The following RYR2 variants were observed in gnomAD, a reference collection of about 807,000 sequenced individuals.
The protein encoded by RYR2 is ryanodine receptor 2.
A neutral mutation model predicts 601.1 loss-of-function variants in RYR2; 227 were observed. That is an observed-to-expected ratio of 0.38 (90% CI 0.34 to 0.42). The LOEUF (loss-of-function observed/expected upper bound fraction) is 0.42. Ranked by LOEUF, RYR2 falls within the 10% of genes least tolerant of loss-of-function variation. RYR2 has a pLI of 1.00. For synonymous variants in RYR2, 2,223 were observed against 2,175.1 expected, an observed-to-expected ratio of 1.02 and a Z score of -0.61; for missense variants, 4,646 against 6,156.5, an observed-to-expected ratio of 0.75 and a Z score of 8.21.
intron 29 of RYR2, among the ~76,000 whole-genome samples, chr1:237,574,931 G>T (rs577131019): frequency 2.1e-3 from 317 of 152,286 alleles, no homozygotes; most frequent in Middle Eastern, 6.8e-3. Flanking sequence ...TATGAGATAA[G>T]AAATGAGTAT....
At chr1:237,338,119 C>T (rs569178929) in intron 3 of RYR2, among the ~76,000 whole-genome samples, 14 of 152,192 alleles carry the variant, frequency 9.2e-5, no homozygotes, top group African/African-American at 2.4e-4. Flanking sequence ...TGGATGGTTC[C>T]GGTGTGCCAT....
At chr1:237,750,046 C>T (rs918991384) in intron 80 of RYR2, among the ~76,000 whole-genome samples, 70 of 151,868 alleles carry the variant, frequency 4.6e-4, no homozygotes, top group African/African-American at 1.5e-3. Flanking sequence ...CTCGGGAGGC[C>T]GAGGCACAGG....
At chr1:237,135,443 C>T (rs1390305743) in intron 1 of RYR2, among the ~76,000 whole-genome samples, 2 of 151,550 alleles carry the variant, frequency 1.3e-5, no homozygotes, top group African/African-American at 4.9e-5. Context: ...GATCTCGGCT[C>T]ACTGCAAGCT....
Position 237,589,774 on chromosome 1 carries a change from A to ATTTTT in RYR2, c.3599-13_3599-9dup. 1 of 1,579,156 alleles carries ATTTTT rather than the reference A, an allele frequency of 6.3e-7. No homozygotes were observed. The highest frequency in any genetic ancestry group is 8.7e-7 in the Non-Finnish European group (1 of 1,154,472). ...CATATACTAATGGTACTAAAACTTG[A>ATTTTT]TTTTTTTTTTCTTCCCAGGATTCAT... On this transcript the variant is annotated intron_variant, in intron 29 of 104. Coordinates refer to ENST00000366574, the MANE Select transcript of RYR2 (RefSeq NM_001035.3).
chr1:237,442,952 T>C (rs1416042437), intron 13 of RYR2, among the ~76,000 whole-genome samples: 3 of 152,218 alleles, frequency 2.0e-5, no homozygotes, highest in Non-Finnish European at 4.4e-5. Flanking sequence ...TGGAAAACTT[T>C]TATGTATGTT....
chr1:237,292,806 T>C lies in RYR2; in HGVS notation c.168+22190T>C, dbSNP rs188081845. 1.2e-4 allele frequency among the ~76,000 whole-genome samples: 18 copies of C among 152,176 alleles called. No individual in the cohort carries two copies. The East Asian group carries it at 3.5e-3, about 29-fold the overall frequency. On this transcript the variant is annotated intron_variant, in intron 2 of 104. Transcript: ENST00000366574. ...GTAGTTAAGCTGATGAATAGGAATG[T>C]TGGAGAAGAGAAGAGCTGAGAATGT...
At chr1:237,206,188 G>C (rs1681795108) in intron 1 of RYR2, among the ~76,000 whole-genome samples, 1 of 152,150 alleles carries the variant, frequency 6.6e-6, no homozygotes, top group African/African-American at 2.4e-5. Context: ...AAGTACCAGG[G>C]GGACCGTGAG....
intron 5 of RYR2, among the ~76,000 whole-genome samples, chr1:237,367,394 CCA>C (rs889308978): frequency 4.6e-5 from 6 of 130,956 alleles, no homozygotes; most frequent in African/African-American, 1.8e-4. Flanking sequence ...GTCTGGCCCC[CCA>C]AAAAAAGTGG....
chr1:237,667,699 A>G (rs1479312285), intron 57 of RYR2, among the ~76,000 whole-genome samples, 184 bp from the exon 58 acceptor site: 1 of 152,214 alleles, frequency 6.6e-6, no homozygotes, highest in Non-Finnish European at 1.5e-5. Context: ...TTACTGTATA[A>G]TATTGCAAAT....
At chr1:237,824,313 G>A (rs9428695) in intron 101 of RYR2, among the ~76,000 whole-genome samples, 36,093 of 151,924 alleles carry the variant, frequency 0.24, 4,920 homozygotes, top group East Asian at 0.61. Context: ...GCAGCACCTC[G>A]AAAAGCTTAT....
rs1421812415 is a variant in RYR2, at chr1:237,617,818, AC to A, written c.5916+333del. ...CTCATAGGAATTTTTGATTCCTAGG[AC>A]TCGATGCTAGAGGCTTTCCATTTGT... On this transcript the variant is annotated intron_variant, in intron 38 of 104. Transcript: ENST00000366574. 2.6e-5 allele frequency among the ~76,000 whole-genome samples: 4 copies of A among 152,104 alleles called. No individual in the cohort carries two copies. The South Asian group carries it at 6.2e-4, about 24-fold the overall frequency.
Position 237,165,151 on chromosome 1 carries a change from T to A in RYR2, c.49-105346T>A, listed in dbSNP as rs970237392. 3.3e-4 allele frequency among the ~76,000 whole-genome samples: 50 copies of A among 151,634 alleles called. 1 individual carries two copies. Among genetic ancestry groups the A allele is most frequent in the Non-Finnish European group, 1.5e-4 (10 of 67,946 alleles). ...AATTTTTTTTTTTGTAGAGATGGGG[T>A]CTCACTATGTTGCCCAGGCTTGCAT... On this transcript the variant is annotated intron_variant, in intron 1 of 104. Transcript: ENST00000366574.
intron 1 of RYR2, among the ~76,000 whole-genome samples, chr1:237,182,538 A>G (rs114871833): frequency 0.034 from 5,232 of 152,228 alleles, 316 homozygotes; most frequent in African/African-American, 0.12. Flanking sequence ...AGGAATCATG[A>G]ATATATTGTT....
At chr1:237,284,115 G>T (rs953457583) in intron 2 of RYR2, among the ~76,000 whole-genome samples, 4 of 152,164 alleles carry the variant, frequency 2.6e-5, no homozygotes, top group Non-Finnish European at 5.9e-5. Flanking sequence ...AGGCGTGGTG[G>T]CTCACGCCTG....
At chr1:237,524,474 G>A (rs954472129) in intron 24 of RYR2, among the ~76,000 whole-genome samples, 1 of 152,196 alleles carries the variant, frequency 6.6e-6, no homozygotes, top group African/African-American at 2.4e-5. Flanking sequence ...AGATTGTGCT[G>A]ATAGTCATGC....
At chr1:237,394,970 G>A (rs1037919987) in intron 10 of RYR2, among the ~76,000 whole-genome samples, 1 of 152,100 alleles carries the variant, frequency 6.6e-6, no homozygotes, top group African/African-American at 2.4e-5. Context: ...AGAGCAAAGG[G>A]GAAGTGCTAC....
chr1:237,312,205 A>G (rs1694646237), intron 2 of RYR2, among the ~76,000 whole-genome samples: 1 of 152,188 alleles, frequency 6.6e-6, no homozygotes, highest in Admixed American at 6.5e-5. Context: ...ATAACCACTA[A>G]TAGAGTTGGC....
At chr1:237,196,313 C>T (rs1422583766) in intron 1 of RYR2, among the ~76,000 whole-genome samples, 1 of 151,748 alleles carries the variant, frequency 6.6e-6, no homozygotes, top group African/African-American at 2.4e-5. Context: ...AATAAAATTG[C>T]CTTCTATGTT....
intron 81 of RYR2, among the ~76,000 whole-genome samples, chr1:237,756,869 AT>A (rs1483353631): frequency 2.0e-5 from 3 of 152,142 alleles, no homozygotes; most frequent in Non-Finnish European, 4.4e-5. Flanking sequence ...GCAAGCTGTA[AT>A]TTTTTTATGT....
Sources: gnomAD v4.1 joint callset for allele counts (sites outside exome capture counted in the v4.1 genomes callset) on GRCh38, gnomAD v4.1.1 for gene constraint, MANE v1.5 for transcripts, NCBI Gene and HGNC (gene_info 2026-07-23, HGNC 2026-07-21) for gene names.